The following KCNIP4 variants were observed in gnomAD, a reference collection of about 807,000 sequenced individuals.
KCNIP4 encodes the protein Kv channel-interacting protein 4.
Under a neutral mutation model 34.0 loss-of-function variants are expected in KCNIP4, and 12 were observed. That is an observed-to-expected ratio of 0.35 (90% confidence interval 0.23 to 0.57). The LOEUF is 0.57. KCNIP4 is among the 20% of genes least tolerant of loss of function. KCNIP4 has a pLI of 0.83. For missense variants in KCNIP4, 238 were observed against 311.7 expected (o/e 0.76, Z 1.78); for synonymous variants, 124 against 102.2 (o/e 1.21, Z -1.29).
intron 1 of KCNIP4, among the ~76,000 whole-genome samples, chr4:21,653,336 T>C (rs895881543): frequency 6.6e-6 from 1 of 152,320 alleles, no homozygotes; most frequent in African/African-American, 2.4e-5. Context: ...TCTGCAAAAT[T>C]GGTGCAACAG....
chr4:21,472,511 A>T (rs1730560094), intron 1 of KCNIP4, among the ~76,000 whole-genome samples: 1 of 152,174 alleles, frequency 6.6e-6, no homozygotes, highest in Non-Finnish European at 1.5e-5. Context: ...CTCTTAGATT[A>T]TCATGTTTTA....
intron 1 of KCNIP4, among the ~76,000 whole-genome samples, chr4:21,565,420 G>A (rs1305177532): frequency 1.3e-5 from 2 of 152,072 alleles, no homozygotes. Context: ...TGATCACATT[G>A]GGTGTTAAGG....
At chr4:21,263,753 C>A (rs1761619181) in intron 1 of KCNIP4, among the ~76,000 whole-genome samples, 1 of 152,140 alleles carries the variant, frequency 6.6e-6, no homozygotes, top group Non-Finnish European at 1.5e-5. Flanking sequence ...CAACTCCTGG[C>A]TCAAGTGATC....
chr4:21,009,615 A>G (rs1352018590), intron 1 of KCNIP4, among the ~76,000 whole-genome samples: 1 of 152,184 alleles, frequency 6.6e-6, no homozygotes, highest in African/African-American at 2.4e-5. Flanking sequence ...TTACTATCTC[A>G]TAGTTTTCCT....
chr4:21,863,461 G>T (rs1725224036), intron 1 of KCNIP4, among the ~76,000 whole-genome samples: 1 of 151,902 alleles, frequency 6.6e-6, no homozygotes, highest in Non-Finnish European at 1.5e-5. Context: ...TAAGGGGATG[G>T]CTTCATTAAC....
intron 1 of KCNIP4, among the ~76,000 whole-genome samples, chr4:21,702,977 A>G (rs1263375229): frequency 2.2e-5 from 2 of 88,984 alleles, no homozygotes; most frequent in Admixed American, 1.9e-4. Context: ...ACATCATATT[A>G]TCAGGCCCCC....
intron 1 of KCNIP4, chr4:21,851,202 A>C (rs930487534): frequency 6.6e-6 from 1 of 152,146 alleles, no homozygotes; most frequent in African/African-American, 2.4e-5. Context: ...AGAGGGGTTA[A>C]GCTAGGGTTG....
chr4:20,883,454 C>T (rs1412410086), intron 1 of KCNIP4, among the ~76,000 whole-genome samples: 1 of 152,038 alleles, frequency 6.6e-6, no homozygotes, highest in Non-Finnish European at 1.5e-5. Context: ...TCAAAAGTGG[C>T]TGGACGGGTG....
intron 1 of KCNIP4, among the ~76,000 whole-genome samples, chr4:21,190,601 A>G (rs1755567613): frequency 6.6e-6 from 1 of 152,198 alleles, no homozygotes; most frequent in Non-Finnish European, 1.5e-5. Flanking sequence ...AGATGAATGA[A>G]ACCCAAAAAC....
chr4:21,764,154 T>C (rs1347969860), intron 1 of KCNIP4, among the ~76,000 whole-genome samples: 3 of 152,140 alleles, frequency 2.0e-5, no homozygotes, highest in Non-Finnish European at 2.9e-5. Context: ...TAAGCAGGCA[T>C]TTTCCATAAT....
intron 1 of KCNIP4, among the ~76,000 whole-genome samples, chr4:21,808,036 T>C (rs932022489): frequency 3.3e-5 from 5 of 152,302 alleles, no homozygotes; most frequent in South Asian, 2.1e-4. Context: ...TTAACATATA[T>C]GCATACATTA....
chr4:21,716,784 G>A (rs999484300), intron 1 of KCNIP4, among the ~76,000 whole-genome samples: 1 of 152,100 alleles, frequency 6.6e-6, no homozygotes, highest in Non-Finnish European at 1.5e-5. Context: ...TTGTTGAAGG[G>A]AACAAATGGC....
In KCNIP4 at chr4:20,734,743, G is replaced by A; in HGVS notation, c.430-8C>T. 2.7e-6 allele frequency: 4 copies of A among 1,490,806 alleles called. No individual in the cohort carries two copies. The highest frequency in any genetic ancestry group is 2.5e-5 in the South Asian group (2 of 80,790). 92.3% of individuals were successfully genotyped at this position (1,490,806 alleles called of 1,614,324 possible). On this transcript the variant is annotated splice_polypyrimidine_tract_variant and splice_region_variant and intron_variant, in intron 5 of 8. Coordinates refer to ENST00000382152, the MANE Select transcript of KCNIP4 (RefSeq NM_025221.6). ...AAGACCTTTGATGAAATCCTGAAAAGAAATAAAAATTCAATTTTATATGAC... is the reference window on the plus strand; with the variant it reads ...AAGACCTTTGATGAAATCCTGAAAAAAAATAAAAATTCAATTTTATATGAC...
intron 1 of KCNIP4, among the ~76,000 whole-genome samples, chr4:21,457,594 G>A (rs1729067223): frequency 6.6e-6 from 1 of 151,974 alleles, no homozygotes. Context: ...TGTAAGCAAT[G>A]CAATATGAGT....
At chr4:21,593,790 A>G (rs7655030) in intron 1 of KCNIP4, among the ~76,000 whole-genome samples, 3,647 of 152,256 alleles carry the variant, frequency 0.024, 157 homozygotes, top group African/African-American at 0.082. Flanking sequence ...AGTCACAGAT[A>G]TTTTGAAAAA....
intron 3 of KCNIP4, among the ~76,000 whole-genome samples, chr4:20,807,177 AG>A (rs1261314404): frequency 6.6e-6 from 1 of 152,186 alleles, no homozygotes; most frequent in Non-Finnish European, 1.5e-5. Context: ...CATTTGGCCA[AG>A]TCATTTAGAC....
intron 1 of KCNIP4, among the ~76,000 whole-genome samples, chr4:21,607,231 C>T (rs1743773053): frequency 6.6e-6 from 1 of 152,086 alleles, no homozygotes; most frequent in African/African-American, 2.4e-5. Flanking sequence ...CTCCACGCCT[C>T]AGTTTCCTCA....
At chr4:21,346,010 A>G (rs1480886726) in intron 1 of KCNIP4, among the ~76,000 whole-genome samples, 1 of 146,856 alleles carries the variant, frequency 6.8e-6, no homozygotes, top group Non-Finnish European at 1.5e-5. Context: ...GGAATGATGA[A>G]GTGGAGAGAG....
At chr4:21,295,380 C>A (rs1013236435) in intron 1 of KCNIP4, among the ~76,000 whole-genome samples, 1 of 152,162 alleles carries the variant, frequency 6.6e-6, no homozygotes, top group Non-Finnish European at 1.5e-5. Context: ...AAGGTAGAAT[C>A]AGGAACTGTG....
Sources: allele counts gnomAD v4.1 joint callset (sites outside exome capture counted in the v4.1 genomes callset), GRCh38; gene constraint gnomAD v4.1.1; transcripts MANE v1.5; gene names NCBI Gene and HGNC (gene_info 2026-07-23, HGNC 2026-07-21).